Variants in HMMR observed in about 807,000 individuals in gnomAD.
HMMR encodes hyaluronan mediated motility receptor.
HMMR carries 108 observed loss-of-function variants against 101.0 expected under a neutral mutation model. The observed-to-expected ratio is 1.07, with a 90% CI of 0.92 to 1.25. The LOEUF is 1.25. HMMR is among the 50% of genes most tolerant of loss of function. The probability of loss-of-function intolerance (pLI) is 0.00; values close to 1 mark genes in which losing one functional copy is unlikely to be tolerated. For missense variants in HMMR, 813 were observed against 788.7 expected (o/e 1.03, Z -0.37); for synonymous variants, 296 against 276.4 (o/e 1.07, Z -0.70).
At chr5:163,490,983 A>C in intron 17 of HMMR, 129 bp from the exon 18 acceptor site, 1 of 493,442 alleles carries the variant, frequency 2.0e-6, no homozygotes, top group Non-Finnish European at 3.5e-6. Context: ...GATAAATCTA[A>C]AAATTATCTT....
At chr5:163,482,603 G>C (rs1358232026) in intron 12 of HMMR, 39 bp from the exon 13 acceptor site, 4 of 1,461,164 alleles carry the variant, frequency 2.7e-6, no homozygotes, top group Non-Finnish European at 3.8e-6. Flanking sequence ...ATACGCAATA[G>C]TTAGAAAACT....
At chr5:163,460,773 C>T (rs770463684) in intron 1 of HMMR, 35 bp downstream of exon 1, 15 of 1,580,360 alleles carry the variant, frequency 9.5e-6, no homozygotes, top group Non-Finnish European at 1.2e-5. Context: ...GGACGGGAGA[C>T]GCCCTAACGC....
At position 163,480,193 on chromosome 5, in the gene HMMR, A is replaced by T. The variant is rs142937001; in HGVS notation, c.1385+1393A>T. ...AAATGGGACAGATAACACTGTCCTG[A>T]AGTCTACACTAATTATTTCCTTGCT... is the stretch of plus-strand genomic sequence containing the variant. On this transcript the variant is annotated intron_variant, in intron 12 of 17. Transcript: ENST00000393915. 9.3e-4 allele frequency among the ~76,000 whole-genome samples: 142 copies of T among 152,296 alleles called. 1 individual carries two copies. In the East Asian group the frequency reaches 0.024, roughly 26 times the overall value.
At chr5:163,489,047 G>C (rs1489286077) in intron 16 of HMMR, among the ~76,000 whole-genome samples, 1 of 152,152 alleles carries the variant, frequency 6.6e-6, no homozygotes, top group Non-Finnish European at 1.5e-5. Context: ...GCTTGTGATG[G>C]GTTTATGTGG....
chr5:163,461,124 T>C (rs1207279333), intron 1 of HMMR, among the ~76,000 whole-genome samples: 1 of 152,190 alleles, frequency 6.6e-6, no homozygotes, highest in East Asian at 1.9e-4. Flanking sequence ...ACTTGTGCAT[T>C]TCTTTTGTGT....
rs763372273 is a variant in HMMR, at chr5:163,467,704, G to A, written c.229G>A (p.Glu77Lys). Residue 77 changes from glutamate (E) to lysine (K), a missense_variant, in exon 4 of 18, where the codon GAA becomes AAA. Glu to Lys is a moderately conservative substitution (Grantham distance 56). Transcript: ENST00000393915. Reference sequence around the variant, plus strand: ...AGTTTTTTTGGCTTTTAAACAGAAGGAATCTCAAAAGAATGATAAAGATTT... The same window carrying A: ...AGTTTTTTTGGCTTTTAAACAGAAGAAATCTCAAAAGAATGATAAAGATTT... ...RKVKSSESKK[E>K]SQKNDKDLKI... 4 of 1,528,332 alleles carry A rather than the reference G, an allele frequency of 2.6e-6. No homozygotes were observed. The highest frequency in any genetic ancestry group is 4.5e-5 in the East Asian group (2 of 44,138). The allele number at this position is 1,528,332 out of a possible 1,614,324, so 94.7% of individuals were successfully genotyped here.
intron 12 of HMMR, among the ~76,000 whole-genome samples, chr5:163,482,247 T>C (rs562779381): frequency 1.1e-3 from 169 of 152,310 alleles, no homozygotes; most frequent in African/African-American, 3.8e-3. Context: ...TTCCCGTCTG[T>C]CCGCCAGGTA....
Position 163,471,292 on chromosome 5 carries a change from G to T in HMMR, c.549+21G>T. 6 of 1,607,572 alleles carry T rather than the reference G, an allele frequency of 3.7e-6. No homozygotes were observed. In the South Asian group the frequency reaches 5.5e-5, roughly 15 times the overall value. On this transcript the variant is annotated intron_variant, in intron 6 of 17. Transcript: ENST00000393915. ...TGAGGGTGAGTGCTGCCCTTGGCAGGTTTGCTGTGTCTGGATCTGGGGATC... is the reference window on the plus strand; with the variant it reads ...TGAGGGTGAGTGCTGCCCTTGGCAGTTTTGCTGTGTCTGGATCTGGGGATC...
intron 12 of HMMR, among the ~76,000 whole-genome samples, chr5:163,480,691 T>C (rs952855180): frequency 2.0e-5 from 3 of 152,198 alleles, no homozygotes; most frequent in African/African-American, 7.2e-5. Flanking sequence ...GTTAGACTTC[T>C]TAAACTTTGC....
At chr5:163,483,668 A>G (rs1759362257) in intron 15 of HMMR, among the ~76,000 whole-genome samples, 1 of 152,188 alleles carries the variant, frequency 6.6e-6, no homozygotes, top group South Asian at 2.1e-4. Flanking sequence ...CTTGCCTGGT[A>G]TGAGCTTTTG....
intron 5 of HMMR, 89 bp downstream of exon 5, chr5:163,469,918 AGC>A (rs1375708859): frequency 9.0e-6 from 8 of 888,710 alleles, no homozygotes; most frequent in Non-Finnish European, 1.4e-5. Context: ...CTGTGTTCCC[AGC>A]ATTTTGGGAG....
In HMMR at chr5:163,467,550, G is replaced by A. The variant is rs149681564; in HGVS notation, c.226-151G>A. ...TTTTAGAATATTTTATTTATCAGAT[G>A]AGTGGCCTACACAATGTTTAACAGT... On this transcript the variant is annotated intron_variant, in intron 3 of 17. Coordinates refer to ENST00000393915, the MANE Select transcript of HMMR (RefSeq NM_001142556.2). The A allele has an allele frequency of 8.1e-3, 3,762 of 464,738 alleles. 26 individuals are homozygous for A. The highest frequency in any genetic ancestry group is 0.011 in the Non-Finnish European group (2,810 of 252,086). The allele number at this position is 464,738 out of a possible 1,614,324, so 28.8% of individuals were successfully genotyped here.
rs149190902 is a variant in HMMR, at chr5:163,475,572, C to T, written c.1168C>T (p.Gln390Ter). Residue 390 changes from glutamine (Q) to a stop codon, truncating the protein, a stop_gained, in exon 11 of 18, where the codon CAG (glutamine) becomes TAG (stop). Transcript: ENST00000393915. LOFTEE classifies it high-confidence loss of function. ...KQTLDELDKL[Q>*]QKEEQAERLV... ...AACACTGGATGAGCTTGATAAATTA[C>T]AGCAAAAGGAGGAACAAGCTGAAAG... 109 of 1,611,704 alleles carry T rather than the reference C, an allele frequency of 6.8e-5. No homozygotes were observed. Among genetic ancestry groups the T allele is most frequent in the Middle Eastern group, 1.6e-4 (1 of 6,070 alleles).
chr5:163,480,913 G>T (rs1460655859), intron 12 of HMMR, among the ~76,000 whole-genome samples: 1 of 151,950 alleles, frequency 6.6e-6, no homozygotes, highest in African/African-American at 2.4e-5. Context: ...TTCTTCTGAT[G>T]AGTGGAAATT....
chr5:163,488,068 C>G (rs991891028), intron 16 of HMMR, among the ~76,000 whole-genome samples: 1 of 152,186 alleles, frequency 6.6e-6, no homozygotes, highest in Non-Finnish European at 1.5e-5. Flanking sequence ...GTTGCCCAGG[C>G]TGGTCTGGAG....
chr5:163,464,756 C>T lies in HMMR; in HGVS notation c.179C>T (p.Thr60Ile), dbSNP rs773069191. 1 of 1,612,912 alleles carries T rather than the reference C, an allele frequency of 6.2e-7. No individual in the cohort carries two copies. Among genetic ancestry groups the T allele is most frequent in the African/African-American group, 1.3e-5 (1 of 75,042 alleles). Reference sequence around the variant, plus strand: ...CAAAATCTTAATGTTGACAAAGATACTACCTTGCCTGCTTCAGCTAGAAAA... The same window carrying T: ...CAAAATCTTAATGTTGACAAAGATATTACCTTGCCTGCTTCAGCTAGAAAA... ...SKQNLNVDKD[T>I]TLPASARKVK... The change falls in exon 3 of 18, where the codon ACT becomes ATT. Residue 60 changes from threonine to isoleucine, a missense_variant. By Grantham distance (89) the Thr-to-Ile change is moderately conservative. Coordinates refer to ENST00000393915, the MANE Select transcript of HMMR (RefSeq NM_001142556.2).
Position 163,475,414 on chromosome 5 carries a change from A to C in HMMR, c.1054-44A>C, listed in dbSNP as rs1759035496. 3 of 1,179,250 alleles carry C rather than the reference A, an allele frequency of 2.5e-6. 1 individual carries two copies. The African/African-American group carries it at 4.6e-5, about 18-fold the overall frequency. 73.0% of individuals were successfully genotyped at this position (1,179,250 alleles called of 1,614,324 possible). The stretch of plus-strand genomic sequence containing the variant: ...TTTTTGTCTCCTAGTACAACCTCAC[A>C]ATGCCATTCCAAATTATTTTGGTGG... On this transcript the variant is annotated intron_variant, in intron 10 of 17. Transcript: ENST00000393915.
rs1239588286 is a variant in HMMR at position 163,490,409 on chromosome 5, G to C, written c.1982G>C (p.Cys661Ser). The C allele has an allele frequency of 1.3e-6, 2 of 1,582,126 alleles. No individual in the cohort carries two copies. The highest frequency in any genetic ancestry group is 1.9e-5 in the Admixed American group (1 of 52,616). Reference protein sequence around the residue: ...QLKSEVSKLRCQLAKKKQSET... With the variant: ...QLKSEVSKLRSQLAKKKQSET... Reference sequence around the variant, plus strand: ...ACCTAGGAAGTATCAAAACTCCGCTGTCAGCTTGCTAAAAAAAAACAAAGT... The same window carrying C: ...ACCTAGGAAGTATCAAAACTCCGCTCTCAGCTTGCTAAAAAAAAACAAAGT... The change falls in exon 17 of 18, where the codon TGT becomes TCT. Residue 661 changes from cysteine to serine, a missense_variant. By Grantham distance (112) the Cys-to-Ser change is moderately radical (BLOSUM62 -1). Transcript: ENST00000393915.
chr5:163,477,726 C>T (rs1465363063), intron 11 of HMMR, among the ~76,000 whole-genome samples: 2 of 152,082 alleles, frequency 1.3e-5, no homozygotes, highest in Non-Finnish European at 2.9e-5. Flanking sequence ...ATCTTAGTTT[C>T]TTTGATCTTC....
Sources: gnomAD v4.1 joint callset for allele counts (sites outside exome capture counted in the v4.1 genomes callset) on GRCh38, gnomAD v4.1.1 for gene constraint, MANE v1.5 for transcripts, NCBI Gene and HGNC (gene_info 2026-07-23, HGNC 2026-07-21) for gene names.